Variants in MTFR1L observed in about 807,000 individuals in gnomAD.
The protein encoded by MTFR1L is mitochondrial fission regulator 1 like, also known as mitochondrial fission regulator 1-like.
A neutral mutation model predicts 27.9 loss-of-function variants in MTFR1L; 10 were observed. The observed-to-expected ratio is 0.36, with a 90% CI of 0.22 to 0.61. MTFR1L has a LOEUF of 0.61. Ranked by LOEUF, MTFR1L falls within the 20% of genes least tolerant of loss-of-function variation. The pLI is 0.73. For synonymous variants in MTFR1L, 151 were observed against 139.4 expected, an observed-to-expected ratio of 1.08 and a Z score of -0.58; for missense variants, 315 against 363.7, an observed-to-expected ratio of 0.87 and a Z score of 1.09.
Position 25,832,305 on chromosome 1 carries a change from G to T in MTFR1L, c.*279G>T. 2 of 909,228 alleles carry T rather than the reference G, an allele frequency of 2.2e-6. No individual in the cohort carries two copies. Among genetic ancestry groups the T allele is most frequent in the East Asian group, 2.7e-5 (1 of 37,690 alleles). The allele number at this position is 909,228 out of a possible 1,614,324, so 56.3% of individuals were successfully genotyped here. On this transcript the variant is annotated 3_prime_UTR_variant, in exon 7 of 7. Coordinates refer to ENST00000374303, the MANE Select transcript of MTFR1L (RefSeq NM_001099625.2). ...AAAGGGTAAGAGAGAAGTTGTTTCTGGTTTTTCCTTGCCCCTGTGTGAAAA... is the reference window on the plus strand; with the variant it reads ...AAAGGGTAAGAGAGAAGTTGTTTCTTGTTTTTCCTTGCCCCTGTGTGAAAA...
Position 25,831,809 on chromosome 1 carries a change from A to T in MTFR1L, c.774-112A>T, listed in dbSNP as rs996341382. ...TCCTTATCTGTGAAAGGGAATTGTAATGGCACCTACCTCGTAAGATTGTTG... is the reference window on the plus strand; with the variant it reads ...TCCTTATCTGTGAAAGGGAATTGTATTGGCACCTACCTCGTAAGATTGTTG... On this transcript the variant is annotated intron_variant, in intron 6 of 6. Transcript: ENST00000374303. The T allele has an allele frequency of 1.0e-5, 10 of 960,820 alleles. No homozygotes were observed. The South Asian group carries it at 1.3e-4, about 12-fold the overall frequency. 59.5% of individuals were successfully genotyped at this position (960,820 alleles called of 1,614,324 possible).
chr1:25,830,535 T>A (rs565188975), intron 6 of MTFR1L, among the ~76,000 whole-genome samples: 1 of 152,290 alleles, frequency 6.6e-6, no homozygotes, highest in South Asian at 2.1e-4. Flanking sequence ...GCATAGTGTT[T>A]CTCCAGTTGT....
intron 6 of MTFR1L, 99 bp from the exon 7 acceptor site, chr1:25,831,822 C>CGTAAGATTGTTGTGAG: frequency 1.9e-6 from 2 of 1,035,488 alleles, no homozygotes; most frequent in East Asian, 4.8e-5. Flanking sequence ...GCACCTACCT[C>CGTAAGATTGTTGTGAG]GTAAGATTGT....
intron 1 of MTFR1L, chr1:25,820,670 C>A: frequency 2.3e-6 from 1 of 428,534 alleles, no homozygotes; most frequent in Non-Finnish European, 4.6e-6. Flanking sequence ...GTGACAAGAC[C>A]CACCGGTGCT....
Position 25,823,174 on chromosome 1 carries a change from G to A in MTFR1L, c.24+46G>A, listed in dbSNP as rs776896434. The stretch of plus-strand genomic sequence containing the variant: ...AGGGGTATGGTGGGGAAGGTTGGGT[G>A]CTGGGCCTGCTGAAGTACTGTAAAA... On this transcript the variant is annotated intron_variant, in intron 2 of 6. Transcript: ENST00000374303. The A allele has an allele frequency of 5.8e-6, 9 of 1,559,514 alleles. No individual in the cohort carries two copies. The South Asian group carries it at 7.8e-5, about 13-fold the overall frequency.
At position 25,826,588 on chromosome 1, in the gene MTFR1L, TG is replaced by T. The variant is rs1257088726; in HGVS notation, c.240-26del. 11 of 1,613,798 alleles carry T rather than the reference TG, an allele frequency of 6.8e-6. No homozygotes were observed. Among genetic ancestry groups the T allele is most frequent in the South Asian group, 6.6e-5 (6 of 91,078 alleles). On this transcript the variant is annotated intron_variant, in intron 4 of 6. Coordinates refer to ENST00000374303, the MANE Select transcript of MTFR1L (RefSeq NM_001099625.2). The surrounding 1 kb of genome is among the most constrained non-coding windows in gnomAD (Gnocchi z 4.1). ...AGCACAGTGGCCTGCTGTCTCTAAC[TG>T]ATCTACTTGGTTTTCCCTGGTCCAG...
In MTFR1L at chr1:25,823,145, G is replaced by A; in HGVS notation, c.24+17G>A. ...GCCACTGTGGTAAGGGGCATTCCCAGGGCAGGGGTATGGTGGGGAAGGTTG... is the reference window on the plus strand; with the variant it reads ...GCCACTGTGGTAAGGGGCATTCCCAAGGCAGGGGTATGGTGGGGAAGGTTG... On this transcript the variant is annotated intron_variant, in intron 2 of 6. Transcript: ENST00000374303. The A allele has an allele frequency of 6.2e-7, 1 of 1,612,836 alleles. No individual in the cohort carries two copies. The highest frequency in any genetic ancestry group is 1.3e-5 in the African/African-American group (1 of 75,024).
chr1:25,823,153 G>GT (rs1394372903), intron 2 of MTFR1L, 25 bp downstream of exon 2: 1 of 1,609,716 alleles, frequency 6.2e-7, no homozygotes, highest in Non-Finnish European at 8.5e-7. Flanking sequence ...CAGGGCAGGG[G>GT]TATGGTGGGG....
intron 1 of MTFR1L, 102 bp downstream of exon 1, chr1:25,820,131 TGTTCC>T: frequency 2.2e-6 from 1 of 449,918 alleles, no homozygotes; most frequent in Non-Finnish European, 4.4e-6. Flanking sequence ...CCGCAGCTCC[TGTTCC>T]CGCGCGAGTT....
At chr1:25,829,948 T>C (rs2048216177) in intron 6 of MTFR1L, 118 bp downstream of exon 6, 2 of 1,041,812 alleles carry the variant, frequency 1.9e-6, no homozygotes, top group Admixed American at 2.9e-5. Flanking sequence ...ATGTCATTCA[T>C]AAAGCTTGCT....
At position 25,826,382 on chromosome 1, in the gene MTFR1L, G is replaced by C; in HGVS notation, c.210G>C (p.Ala70=). The part of the protein sequence containing the change: ...PTLADIAWIA[A]DEEETYARVR... ...TGGCTGACATCGCCTGGATTGCTGC[G>C]GATGAAGAGGAGACATATGCCCGGG... The change falls in exon 4 of 7, where the codon GCG becomes GCC. Residue 70 remains alanine, a synonymous_variant. Transcript: ENST00000374303. The surrounding 1 kb of genome is among the most constrained non-coding windows in gnomAD (Gnocchi z 4.1). 2 of 1,614,188 alleles carry C rather than the reference G, an allele frequency of 1.2e-6. No individual in the cohort carries two copies. The highest frequency in any genetic ancestry group is 1.7e-6 in the Non-Finnish European group (2 of 1,180,042).
In MTFR1L at chr1:25,826,084, C is replaced by A; in HGVS notation, c.130-218C>A. 2.0e-6 allele frequency: 1 copy of A among 500,692 alleles called. No homozygotes were observed. Among genetic ancestry groups the A allele is most frequent in the South Asian group, 2.4e-5 (1 of 42,016 alleles). 31.0% of individuals were successfully genotyped at this position (500,692 alleles called of 1,614,324 possible). Reference sequence around the variant, plus strand: ...TCTTGGTCTCAAGCATTCTGCCTGCCTCGGCCTCCCAAATGCTGGGATTAC... The same window carrying A: ...TCTTGGTCTCAAGCATTCTGCCTGCATCGGCCTCCCAAATGCTGGGATTAC... On this transcript the variant is annotated intron_variant, in intron 3 of 6. Transcript: ENST00000374303. This position sits in a 1 kb window ranked among gnomAD's most constrained non-coding sequence, Gnocchi z 4.1.
intron 6 of MTFR1L, among the ~76,000 whole-genome samples, chr1:25,830,377 G>A (rs1376994854): frequency 1.3e-5 from 2 of 152,228 alleles, no homozygotes; most frequent in African/African-American, 4.8e-5. Flanking sequence ...GAATTGCTCA[G>A]ATTTGTTAAA....
At position 25,831,940 on chromosome 1, in the gene MTFR1L, G is replaced by C. The variant is rs1412482854; in HGVS notation, c.793G>C (p.Glu265Gln). The change falls in exon 7 of 7, where the codon GAG (glutamate) becomes CAG (glutamine). Residue 265 changes from glutamate (E) to glutamine (Q), a missense_variant. Physicochemically the swap from Glu to Gln is conservative, Grantham distance 29 (BLOSUM62 2). Coordinates refer to ENST00000374303, the MANE Select transcript of MTFR1L (RefSeq NM_001099625.2). ...CTCTAGGAACCGGAGTTTATTGAAG[G>C]AGGAAGACCCTGCTGTGCTTATCTC... ...SQDLNRSLLK[E>Q]EDPAVLISEV... is the part of the protein sequence containing the mutation. 2 of 1,614,080 alleles carry C rather than the reference G, an allele frequency of 1.2e-6. No homozygotes were observed. The highest frequency in any genetic ancestry group is 1.7e-6 in the Non-Finnish European group (2 of 1,180,038).
At position 25,832,290 on chromosome 1, in the gene MTFR1L, A is replaced by C; in HGVS notation, c.*264A>C. On this transcript the variant is annotated 3_prime_UTR_variant, in exon 7 of 7. Transcript: ENST00000374303. ...GAAGTATCTTAGTTTAAAGGGTAAG[A>C]GAGAAGTTGTTTCTGGTTTTTCCTT... The C allele has an allele frequency of 9.6e-7, 1 of 1,044,960 alleles. No individual in the cohort carries two copies. The highest frequency in any genetic ancestry group is 1.4e-6 in the Non-Finnish European group (1 of 728,744). The allele number at this position is 1,044,960 out of a possible 1,614,324, so 64.7% of individuals were successfully genotyped here.
At position 25,826,809 on chromosome 1, in the gene MTFR1L, T is replaced by C. The variant is rs749725279; in HGVS notation, c.434T>C (p.Ile145Thr). Residue 145 changes from isoleucine (I) to threonine (T), a missense_variant, in exon 5 of 7, where the codon ATA becomes ACA. Coordinates refer to ENST00000374303, the MANE Select transcript of MTFR1L (RefSeq NM_001099625.2). The surrounding 1 kb of genome is among the most constrained non-coding windows in gnomAD (Gnocchi z 4.1). ...CACTTGCGCAGCCAGATTGCAAAGA[T>C]AGTGGCAGCTGATGCAGGTAGGAGC... Reference protein sequence around the residue: ...LSHLRSQIAKIVAADAASASL... With the variant: ...LSHLRSQIAKTVAADAASASL... 39 of 1,613,812 alleles carry C rather than the reference T, an allele frequency of 2.4e-5. No individual in the cohort carries two copies. Among genetic ancestry groups the C allele is most frequent in the Non-Finnish European group, 2.5e-5 (30 of 1,180,010 alleles).
chr1:25,829,564 T>C lies in MTFR1L; in HGVS notation c.507T>C (p.Ser169=), dbSNP rs2048209896. The C allele has an allele frequency of 6.2e-7, 1 of 1,614,070 alleles. No homozygotes were observed. The highest frequency in any genetic ancestry group is 1.7e-5 in the Admixed American group (1 of 59,998). The part of the protein sequence containing the change: ...FLSPGSSNVS[S]PLPCFGSSFH... ...CTCCAGGAAGTTCAAATGTCTCTTC[T>C]CCCTTACCTTGTTTTGGATCCTCAT... The change falls in exon 6 of 7, where the codon TCT becomes TCC. Residue 169 remains serine, a synonymous_variant. Coordinates refer to ENST00000374303, the MANE Select transcript of MTFR1L (RefSeq NM_001099625.2).
chr1:25,828,884 T>C (rs2048201985), intron 5 of MTFR1L, among the ~76,000 whole-genome samples: 3 of 152,234 alleles, frequency 2.0e-5, no homozygotes, highest in African/African-American at 4.8e-5. Context: ...TTATGAAGAA[T>C]TGTACTGAAA....
Position 25,826,797 on chromosome 1 carries a change from A to G in MTFR1L, c.422A>G (p.Gln141Arg). The change falls in exon 5 of 7, where the codon CAG becomes CGG. Residue 141 changes from glutamine (Q) to arginine (R), a missense_variant. Transcript: ENST00000374303. This position sits in a 1 kb window ranked among gnomAD's most constrained non-coding sequence, Gnocchi z 4.1. Reference sequence around the variant, plus strand: ...GACGAGCTGAGCCACTTGCGCAGCCAGATTGCAAAGATAGTGGCAGCTGAT... The same window carrying G: ...GACGAGCTGAGCCACTTGCGCAGCCGGATTGCAAAGATAGTGGCAGCTGAT... ...LQDELSHLRS[Q>R]IAKIVAADAA... is the part of the protein sequence containing the mutation. 1.2e-6 allele frequency: 2 copies of G among 1,614,090 alleles called. No homozygotes were observed. The highest frequency in any genetic ancestry group is 1.7e-6 in the Non-Finnish European group (2 of 1,180,032).
Sources: allele counts gnomAD v4.1 joint callset (sites outside exome capture counted in the v4.1 genomes callset), GRCh38; gene constraint gnomAD v4.1.1; non-coding constraint Gnocchi (gnomAD v3.1); transcripts MANE v1.5; gene names NCBI Gene and HGNC (gene_info 2026-07-23, HGNC 2026-07-21).